The following CCNT1 variants were observed in gnomAD, a reference collection of about 807,000 sequenced individuals.
CCNT1 encodes the protein cyclin-T1.
In CCNT1, 18 loss-of-function variants were observed where a neutral mutation model predicts 67.3. The observed-to-expected ratio is 0.27, with a 90% confidence interval of 0.18 to 0.40. The LOEUF (loss-of-function observed/expected upper bound fraction) is 0.40, where lower values mean the gene tolerates loss of function less well. Ranked by LOEUF, CCNT1 falls within the 10% of genes least tolerant of loss-of-function variation. CCNT1 has a pLI of 1.00. For synonymous variants in CCNT1, 333 were observed against 310.3 expected, an observed-to-expected ratio of 1.07 and a Z score of -0.77; for missense variants, 744 against 884.9, an observed-to-expected ratio of 0.84 and a Z score of 2.02.
In CCNT1 at chr12:48,716,499, T is replaced by A; in HGVS notation, c.161+16A>T. On this transcript the variant is annotated intron_variant, in intron 1 of 8. Transcript: ENST00000261900. ...GGGACCAACTCCAAGGCCGAAGGCC[T>A]AGGCCACAAGGATACACGTTAAGAC... The A allele has an allele frequency of 6.2e-7, 1 of 1,606,764 alleles. No homozygotes were observed. The highest frequency in any genetic ancestry group is 1.1e-5 in the South Asian group (1 of 90,286).
At chr12:48,709,086 T>C (rs961351221) in intron 2 of CCNT1, among the ~76,000 whole-genome samples, 3 of 151,844 alleles carry the variant, frequency 2.0e-5, no homozygotes, top group Admixed American at 2.0e-4. Flanking sequence ...TATCTTGGGG[T>C]TGGGGGGGAC....
intron 2 of CCNT1, among the ~76,000 whole-genome samples, chr12:48,707,572 A>T (rs2137239318): frequency 6.6e-6 from 1 of 152,230 alleles, no homozygotes; most frequent in Middle Eastern, 3.4e-3. Flanking sequence ...GAGTCACCTC[A>T]CCCAGCCAAG....
At position 48,694,182 on chromosome 12, in the gene CCNT1, T is replaced by C; in HGVS notation, c.1032A>G (p.Glu344=). The change falls in exon 9 of 9, where the codon GAA becomes GAG. Residue 344 remains glutamate (E), a synonymous_variant. Transcript: ENST00000261900. ...WLSSQPSFKL[E]PTQGHRTSEN... ...CACTAGTCCGATGACCCTGAGTAGGTTCTAGTTTGAAAGAAGGTTGGGAGG... is the reference window on the plus strand; with the variant it reads ...CACTAGTCCGATGACCCTGAGTAGGCTCTAGTTTGAAAGAAGGTTGGGAGG... 1 of 1,614,164 alleles carries C rather than the reference T, an allele frequency of 6.2e-7. No individual in the cohort carries two copies. Among genetic ancestry groups the C allele is most frequent in the South Asian group, 1.1e-5 (1 of 91,084 alleles).
At chr12:48,701,792 G>A (rs1276342262) in intron 3 of CCNT1, among the ~76,000 whole-genome samples, 1 of 151,464 alleles carries the variant, frequency 6.6e-6, no homozygotes, top group Non-Finnish European at 1.5e-5. Context: ...TTTTAGTAGA[G>A]ACGAGGTTTC....
chr12:48,692,718 A>G lies in CCNT1; in HGVS notation c.*315T>C, dbSNP rs1190080072. ...AACCCTCCATTTTTCAGCTCTGGCA[A>G]GAAGAGGGAAGATATCAACTCCAAT... On this transcript the variant is annotated 3_prime_UTR_variant, in exon 9 of 9. Transcript: ENST00000261900. The G allele has an allele frequency of 8.8e-6, 2 of 227,658 alleles. No individual in the cohort carries two copies. The highest frequency in any genetic ancestry group is 2.3e-5 in the African/African-American group (1 of 44,118). 14.1% of individuals were successfully genotyped at this position (227,658 alleles called of 1,614,324 possible).
chr12:48,704,000 A>C (rs527988455), intron 3 of CCNT1, among the ~76,000 whole-genome samples: 12 of 152,312 alleles, frequency 7.9e-5, no homozygotes, highest in African/African-American at 2.9e-4. Flanking sequence ...AGACTTCTTC[A>C]TGGAGAATTG....
Position 48,700,858 on chromosome 12 carries a change from A to G in CCNT1, c.433+155T>C, listed in dbSNP as rs565866695. ...CTGCATTCACTCTATGGAACAGGTC[A>G]AAGCTAAACTCAGGTCTACAACCTC... On this transcript the variant is annotated intron_variant, in intron 4 of 8. Transcript: ENST00000261900. 2.0e-5 allele frequency among the ~76,000 whole-genome samples: 3 copies of G among 152,370 alleles called. No individual in the cohort carries two copies. The East Asian group carries it at 5.8e-4, about 29-fold the overall frequency.
chr12:48,699,502 C>A (rs1163337528), intron 5 of CCNT1, among the ~76,000 whole-genome samples: 1 of 152,228 alleles, frequency 6.6e-6, no homozygotes, highest in Non-Finnish European at 1.5e-5. Context: ...CCACTCCTCA[C>A]AACTTTCATA....
At chr12:48,700,091 G>A (rs1263492876) in intron 4 of CCNT1, among the ~76,000 whole-genome samples, 2 of 151,960 alleles carry the variant, frequency 1.3e-5, no homozygotes, top group Non-Finnish European at 2.9e-5. Flanking sequence ...AGGCCGAGGC[G>A]AGCGGATCAC....
chr12:48,708,693 C>T (rs1201229801), intron 2 of CCNT1, among the ~76,000 whole-genome samples: 12 of 152,114 alleles, frequency 7.9e-5, no homozygotes, highest in Non-Finnish European at 5.9e-5. Context: ...ATGGGATATA[C>T]TCTAAAATGT....
In CCNT1 at chr12:48,689,671, T is replaced by G. The variant is rs1437200430; in HGVS notation, c.*3362A>C. 1.3e-5 allele frequency: 2 copies of G among 152,182 alleles called. No individual in the cohort carries two copies. Among genetic ancestry groups the G allele is most frequent in the Non-Finnish European group, 2.9e-5 (2 of 68,028 alleles). The allele number at this position is 152,182 out of a possible 1,614,324, so 9.4% of individuals were successfully genotyped here. A position where few individuals can be genotyped will look rare whatever the true frequency, so the allele number is the denominator to read the frequency against. ...AAAATAACTCATAAACAAAAAAAAT[T>G]GTAAATATTAATCAGTTCCCAAAAT... On this transcript the variant is annotated 3_prime_UTR_variant, in exon 9 of 9. Coordinates refer to ENST00000261900, the MANE Select transcript of CCNT1 (RefSeq NM_001240.4).
chr12:48,708,742 C>T (rs1253090403), intron 2 of CCNT1, among the ~76,000 whole-genome samples: 1 of 151,990 alleles, frequency 6.6e-6, no homozygotes, highest in African/African-American at 2.4e-5. Flanking sequence ...CGTCCTCTTC[C>T]AATTTTTTGA....
intron 3 of CCNT1, among the ~76,000 whole-genome samples, chr12:48,703,145 T>C (rs576833153): frequency 1.4e-3 from 218 of 152,168 alleles, no homozygotes; most frequent in Middle Eastern, 6.8e-3. Context: ...CCGGGTGCAG[T>C]GGCTCACACC....
intron 6 of CCNT1, among the ~76,000 whole-genome samples, chr12:48,697,687 C>T (rs947331451): frequency 6.8e-6 from 1 of 147,304 alleles, no homozygotes; most frequent in Non-Finnish European, 1.5e-5. Context: ...GGCGTGGTGG[C>T]GGGTACCTGT....
rs74088160 is a variant in CCNT1 at position 48,715,186 on chromosome 12, A to C, written c.162-662T>G. 5.8e-3 allele frequency among the ~76,000 whole-genome samples: 886 copies of C among 152,326 alleles called. 7 individuals carry two copies. Among genetic ancestry groups the C allele is most frequent in the African/African-American group, 0.019 (808 of 41,580 alleles). On this transcript the variant is annotated intron_variant, in intron 1 of 8. Transcript: ENST00000261900. ...TGCACTGAAATAGAATTTCGAACAA[A>C]AAGATTTAACTCCATACTGACAGGA...
intron 1 of CCNT1, among the ~76,000 whole-genome samples, chr12:48,714,857 C>T (rs996532150): frequency 1.3e-5 from 2 of 152,182 alleles, no homozygotes; most frequent in African/African-American, 4.8e-5. Flanking sequence ...CTGTCGCCCA[C>T]ACTGGAGTGC....
rs759919820 is a variant in CCNT1, at chr12:48,712,595, T to TAAAAAAAAAAAAAAAAAAA, written c.243+1829_243+1847dup. ...TCTTTTCCTTAAAAAAAAAAAAAAA[T>TAAAAAAAAAAAAAAAAAAA]AAAAAAAAAAAAAAAAAAAAAAAGC... On this transcript the variant is annotated intron_variant, in intron 2 of 8. Coordinates refer to ENST00000261900, the MANE Select transcript of CCNT1 (RefSeq NM_001240.4). 2.1e-4 allele frequency among the ~76,000 whole-genome samples: 7 copies of TAAAAAAAAAAAAAAAAAAA among 33,366 alleles called. 2 individuals carry two copies. The highest frequency in any genetic ancestry group is 1.9e-4 in the Non-Finnish European group (4 of 20,930). 21.9% of individuals were successfully genotyped at this position (33,366 alleles called of 152,430 possible). A position where few individuals can be genotyped will look rare whatever the true frequency, so the allele number is the denominator to read the frequency against.
chr12:48,705,189 G>A (rs1312348059), intron 3 of CCNT1, among the ~76,000 whole-genome samples: 1 of 152,264 alleles, frequency 6.6e-6, no homozygotes, highest in East Asian at 1.9e-4. Context: ...ATGGCTCACT[G>A]CAGCCTCAAC....
intron 2 of CCNT1, among the ~76,000 whole-genome samples, chr12:48,706,854 T>C (rs1358161904): frequency 6.6e-6 from 1 of 152,188 alleles, no homozygotes; most frequent in Non-Finnish European, 1.5e-5. Flanking sequence ...TCTCCACAAA[T>C]TCAACTCATA....
Sources: gnomAD v4.1 joint callset for allele counts (sites outside exome capture counted in the v4.1 genomes callset) on GRCh38, gnomAD v4.1.1 for gene constraint, MANE v1.5 for transcripts, NCBI Gene and HGNC (gene_info 2026-07-23, HGNC 2026-07-21) for gene names.